Variants in ATP6V1C1 observed in about 807,000 individuals in gnomAD.
ATP6V1C1 encodes the protein V-type proton ATPase subunit C 1.
Under a neutral mutation model 53.9 loss-of-function variants are expected in ATP6V1C1, and 45 were observed. The observed-to-expected ratio is 0.83, with a 90% CI of 0.66 to 1.07. The LOEUF (loss-of-function observed/expected upper bound fraction) is 1.07, where lower values mean the gene tolerates loss of function less well. Ranked by LOEUF, ATP6V1C1 falls within the 50% of genes least tolerant of loss-of-function variation. The pLI is 0.00. For synonymous variants in ATP6V1C1, 153 were observed against 155.2 expected (o/e 0.99, Z 0.11); for missense variants, 315 against 440.3 (o/e 0.72, Z 2.55).
chr8:103,057,072 G>C (rs1817300521), intron 8 of ATP6V1C1, among the ~76,000 whole-genome samples: 1 of 152,174 alleles, frequency 6.6e-6, no homozygotes, highest in Non-Finnish European at 1.5e-5. Context: ...AGCAAAATAA[G>C]AATGAAGCAA....
chr8:103,065,418 G>A (rs1008741443), intron 11 of ATP6V1C1, among the ~76,000 whole-genome samples: 8 of 152,240 alleles, frequency 5.3e-5, no homozygotes, highest in Middle Eastern at 6.8e-3. Context: ...GCCAAGTGTG[G>A]TGGCACGCGC....
Position 103,072,222 on chromosome 8 carries a change from A to G in ATP6V1C1, c.*3475A>G, listed in dbSNP as rs893881143. 6.6e-6 allele frequency: 1 copy of G among 152,250 alleles called. No individual in the cohort carries two copies. The highest frequency in any genetic ancestry group is 2.4e-5 in the African/African-American group (1 of 41,470). 9.4% of individuals were successfully genotyped at this position (152,250 alleles called of 1,614,324 possible). A position where few individuals can be genotyped will look rare whatever the true frequency, so the allele number is the denominator to read the frequency against. On this transcript the variant is annotated 3_prime_UTR_variant, in exon 13 of 13. Transcript: ENST00000518738. ...GTACCTTTAAAGTAACACTTTGTAC[A>G]TAACAAATACTCAGCAAATGTGAAA...
intron 1 of ATP6V1C1, among the ~76,000 whole-genome samples, chr8:103,024,284 G>A (rs1286604143): frequency 6.6e-6 from 1 of 152,064 alleles, no homozygotes; most frequent in Non-Finnish European, 1.5e-5. Flanking sequence ...TTAAAACTTG[G>A]CACAAAATAC....
At chr8:103,035,299 G>A (rs1017923929) in intron 1 of ATP6V1C1, among the ~76,000 whole-genome samples, 4 of 150,310 alleles carry the variant, frequency 2.7e-5, no homozygotes, top group Admixed American at 6.6e-5. Flanking sequence ...TAAATCAGAC[G>A]TTTTGATTGG....
intron 3 of ATP6V1C1, among the ~76,000 whole-genome samples, chr8:103,044,245 AATTT>A (rs1276461838): frequency 6.6e-6 from 1 of 152,158 alleles, no homozygotes; most frequent in Non-Finnish European, 1.5e-5. Flanking sequence ...GATGAAGTCC[AATTT>A]ATTTTTTTCT....
At chr8:103,067,616 T>C (rs1045429877) in intron 12 of ATP6V1C1, among the ~76,000 whole-genome samples, 5 of 149,892 alleles carry the variant, frequency 3.3e-5, no homozygotes, top group East Asian at 1.9e-4. Flanking sequence ...TTTTTTTTTT[T>C]TCGAGATGGA....
intron 8 of ATP6V1C1, among the ~76,000 whole-genome samples, chr8:103,056,511 T>C (rs1817291133): frequency 6.6e-6 from 1 of 152,230 alleles, no homozygotes; most frequent in Non-Finnish European, 1.5e-5. Context: ...ACAACAAGTC[T>C]GTGAAGAAGT....
intron 1 of ATP6V1C1, among the ~76,000 whole-genome samples, chr8:103,040,455 C>G (rs1328331080): frequency 6.6e-6 from 1 of 151,720 alleles, no homozygotes; most frequent in Non-Finnish European, 1.5e-5. Flanking sequence ...AAATTTGTAA[C>G]TCTCCAGCTT....
intron 1 of ATP6V1C1, among the ~76,000 whole-genome samples, chr8:103,029,516 C>T (rs1816756018): frequency 1.3e-5 from 2 of 152,194 alleles, no homozygotes; most frequent in South Asian, 4.1e-4. Context: ...GATCCACCCG[C>T]CTCAGCCTCC....
intron 4 of ATP6V1C1, among the ~76,000 whole-genome samples, chr8:103,049,543 G>T (rs2131394662): frequency 6.6e-6 from 1 of 152,222 alleles, no homozygotes; most frequent in Middle Eastern, 3.4e-3. Flanking sequence ...TGACCCCATT[G>T]TTGTCATTTG....
In ATP6V1C1 at chr8:103,034,572, T is replaced by A. The variant is rs1355669858; in HGVS notation, c.-39-6226T>A. Among the ~76,000 whole-genome samples, 3 of 147,578 alleles carry A rather than the reference T, an allele frequency of 2.0e-5. No individual in the cohort carries two copies. The South Asian group carries it at 6.3e-4, about 31-fold the overall frequency. On this transcript the variant is annotated intron_variant, in intron 1 of 12. Coordinates refer to ENST00000518738, the MANE Select transcript of ATP6V1C1 (RefSeq NM_001695.5). ...TTGTTCTTAAATTTCAAGGATAATT[T>A]TTTTTTTTTTTTTTGAGATGAAGTC...
At chr8:103,052,851 A>G (rs1404490975) in intron 6 of ATP6V1C1, 29 bp downstream of exon 6, 1 of 1,426,104 alleles carries the variant, frequency 7.0e-7, no homozygotes, top group East Asian at 2.4e-5. Flanking sequence ...TTTGAGTACT[A>G]AGAACTGGGG....
chr8:103,034,283 A>G (rs989193858), intron 1 of ATP6V1C1, among the ~76,000 whole-genome samples: 1 of 152,208 alleles, frequency 6.6e-6, no homozygotes, highest in Non-Finnish European at 1.5e-5. Flanking sequence ...TGTTTAGCAT[A>G]TGATTTTGCT....
intron 1 of ATP6V1C1, among the ~76,000 whole-genome samples, chr8:103,027,226 A>G (rs1266591942): frequency 2.6e-5 from 4 of 152,152 alleles, no homozygotes; most frequent in Non-Finnish European, 5.9e-5. Context: ...TAAACTTGGT[A>G]TTTTCAAGTA....
At chr8:103,059,123 C>G (rs1344067247) in intron 8 of ATP6V1C1, among the ~76,000 whole-genome samples, 3 of 152,084 alleles carry the variant, frequency 2.0e-5, no homozygotes, top group African/African-American at 7.2e-5. Context: ...CTTTAGGGAT[C>G]TGGAGTCCCC....
At chr8:103,065,142 A>G (rs1203914552) in intron 11 of ATP6V1C1, among the ~76,000 whole-genome samples, 1 of 152,250 alleles carries the variant, frequency 6.6e-6, no homozygotes, top group Non-Finnish European at 1.5e-5. Context: ...GATACATAGT[A>G]TGCTAATGAC....
intron 3 of ATP6V1C1, among the ~76,000 whole-genome samples, chr8:103,043,524 G>A (rs1428875372): frequency 6.6e-6 from 1 of 151,612 alleles, no homozygotes; most frequent in Non-Finnish European, 1.5e-5. Context: ...GTAGAGACGG[G>A]GTTTCACCAT....
chr8:103,072,852 G>A lies in ATP6V1C1; in HGVS notation c.*4105G>A, dbSNP rs918342286. The A allele has an allele frequency of 6.6e-6, 1 of 152,222 alleles. No individual in the cohort carries two copies. 9.4% of individuals were successfully genotyped at this position (152,222 alleles called of 1,614,324 possible). ...TTCTTCTTCTGCAGAAGATGAAACT[G>A]AGGAGAAACAAGACAACATCCTTCA... On this transcript the variant is annotated 3_prime_UTR_variant, in exon 13 of 13. Coordinates refer to ENST00000518738, the MANE Select transcript of ATP6V1C1 (RefSeq NM_001695.5).
At chr8:103,060,188 G>A (rs911516578) in intron 8 of ATP6V1C1, among the ~76,000 whole-genome samples, 2 of 151,800 alleles carry the variant, frequency 1.3e-5, no homozygotes, top group African/African-American at 2.4e-5. Context: ...GACTGGTCTC[G>A]AGCTCCTGAC....
Sources: allele counts gnomAD v4.1 joint callset (sites outside exome capture counted in the v4.1 genomes callset), GRCh38; gene constraint gnomAD v4.1.1; transcripts MANE v1.5; gene names NCBI Gene and HGNC (gene_info 2026-07-23, HGNC 2026-07-21).